The following FAM114A2 variants were observed in gnomAD, a reference collection of about 807,000 sequenced individuals.
FAM114A2 encodes the protein family with sequence similarity 114 member A2.
FAM114A2 carries 53 observed loss-of-function variants against 58.4 expected under a neutral mutation model. That is an observed-to-expected ratio of 0.91 (90% CI 0.73 to 1.14). FAM114A2 has a LOEUF of 1.14. Ranked by LOEUF, FAM114A2 falls within the 50% of genes most tolerant of loss-of-function variation. FAM114A2 has a pLI of 0.00. For missense variants in FAM114A2, 601 were observed against 581.1 expected (o/e 1.03, Z -0.35); for synonymous variants, 228 against 211.4 (o/e 1.08, Z -0.68).
chr5:154,034,444 T>C, intron 2 of FAM114A2, 67 bp from the exon 3 acceptor site: 2 of 943,088 alleles, frequency 2.1e-6, no homozygotes, highest in Non-Finnish European at 3.3e-6. Context: ...AAAATCAGAA[T>C]GTACAGACAA....
intron 8 of FAM114A2, among the ~76,000 whole-genome samples, chr5:154,015,183 C>T (rs1034805739): frequency 6.6e-6 from 1 of 152,130 alleles, no homozygotes; most frequent in African/African-American, 2.4e-5. Flanking sequence ...CTAACCCTGC[C>T]CTTCCCACCC....
chr5:154,029,605 A>C, intron 4 of FAM114A2, 25 bp from the exon 5 acceptor site: 1 of 1,330,048 alleles, frequency 7.5e-7, no homozygotes, highest in Non-Finnish European at 1.1e-6. Flanking sequence ...GGATGTGTAA[A>C]CATGAAGGGA....
At chr5:154,012,080 AAAG>A (rs1561554270) in intron 8 of FAM114A2, among the ~76,000 whole-genome samples, 1 of 152,158 alleles carries the variant, frequency 6.6e-6, no homozygotes, top group Non-Finnish European at 1.5e-5. Flanking sequence ...AGAAGGCGGA[AAAG>A]AAGAGAGGCA....
chr5:154,005,942 C>T (rs916652586), intron 9 of FAM114A2, among the ~76,000 whole-genome samples: 1 of 152,194 alleles, frequency 6.6e-6, no homozygotes, highest in African/African-American at 2.4e-5. Context: ...ACACCCAAGG[C>T]TACCCGAATG....
chr5:154,034,122 C>T (rs1772375793), intron 3 of FAM114A2, among the ~76,000 whole-genome samples, 156 bp downstream of exon 3: 1 of 152,158 alleles, frequency 6.6e-6, no homozygotes. Context: ...ACTCTAGTGG[C>T]AGTATATATC....
At chr5:154,019,380 T>C (rs981069425) in intron 8 of FAM114A2, among the ~76,000 whole-genome samples, 18 of 152,050 alleles carry the variant, frequency 1.2e-4, no homozygotes, top group Non-Finnish European at 2.2e-4. Context: ...AAAGAAATCA[T>C]AGACGATACA....
At chr5:153,998,431 T>C (rs796207181) in intron 11 of FAM114A2, among the ~76,000 whole-genome samples, 7 of 152,302 alleles carry the variant, frequency 4.6e-5, no homozygotes, top group African/African-American at 1.7e-4. Context: ...GGTGCCCTCA[T>C]GAACAGATTA....
At position 154,034,277 on chromosome 5, in the gene FAM114A2, C is replaced by A. The variant is rs1464977039; in HGVS notation, c.310+1G>T. 6.5e-7 allele frequency: 1 copy of A among 1,538,830 alleles called. No homozygotes were observed. Among genetic ancestry groups the A allele is most frequent in the East Asian group, 2.3e-5 (1 of 43,776 alleles). ...AATAACTAAATGACTGATGATCTTACCTACTGTAGCTACTGTAGCCGAGGC... is the reference window on the plus strand; with the variant it reads ...AATAACTAAATGACTGATGATCTTAACTACTGTAGCTACTGTAGCCGAGGC... On this transcript the variant is annotated splice_donor_variant, in intron 3 of 13. Coordinates refer to ENST00000351797, the MANE Select transcript of FAM114A2 (RefSeq NM_018691.4). LOFTEE classifies it high-confidence loss of function.
intron 8 of FAM114A2, among the ~76,000 whole-genome samples, chr5:154,018,880 C>A (rs57861033): frequency 6.6e-6 from 1 of 152,248 alleles, no homozygotes; most frequent in African/African-American, 2.4e-5. Flanking sequence ...AAACTCTCAA[C>A]AAAATCAGCA....
intron 1 of FAM114A2, chr5:154,038,341 G>A (rs1581853236): frequency 6.6e-6 from 1 of 152,236 alleles, no homozygotes; most frequent in African/African-American, 2.4e-5. Context: ...GGGCTCTGGA[G>A]TTTACTTTCT....
chr5:154,033,913 T>G (rs779062930), intron 3 of FAM114A2, 30 bp from the exon 4 acceptor site: 4 of 1,389,316 alleles, frequency 2.9e-6, no homozygotes, highest in Non-Finnish European at 4.1e-6. Flanking sequence ...TTTTTTTTGC[T>G]ATTTGTCACC....
chr5:154,034,848 C>T lies in FAM114A2; in HGVS notation c.106G>A (p.Gly36Ser), dbSNP rs1772442261. ...PAKNSESVDQ[G>S]AKPESKSEPV... is the part of the protein sequence containing the mutation. ...TCTGATTTACTCTCTGGTTTGGCAC[C>T]TTGGTCAACAGACTCAGAATTCTTG... The change falls in exon 2 of 14, where the codon GGT (glycine) becomes AGT (serine). Residue 36 changes from glycine to serine, a missense_variant. Transcript: ENST00000351797. The T allele has an allele frequency of 6.2e-7, 1 of 1,613,876 alleles. No homozygotes were observed. Among genetic ancestry groups the T allele is most frequent in the Admixed American group, 1.7e-5 (1 of 60,002 alleles).
intron 8 of FAM114A2, among the ~76,000 whole-genome samples, chr5:154,012,925 A>T (rs997815674): frequency 1.3e-5 from 2 of 152,038 alleles, no homozygotes; most frequent in African/African-American, 4.8e-5. Context: ...GATTTATCTC[A>T]TTCTATTAAA....
At chr5:154,035,359 C>G (rs796254552) in intron 1 of FAM114A2, among the ~76,000 whole-genome samples, 22 of 152,236 alleles carry the variant, frequency 1.4e-4, no homozygotes, top group African/African-American at 5.3e-4. Flanking sequence ...CCTTCCAACC[C>G]AAAGCAATTA....
At chr5:154,026,928 C>G (rs1032271175) in intron 7 of FAM114A2, among the ~76,000 whole-genome samples, 6 of 151,148 alleles carry the variant, frequency 4.0e-5, no homozygotes, top group Admixed American at 3.3e-4. Flanking sequence ...AACACATGTC[C>G]TATTAAGACC....
Position 154,028,151 on chromosome 5 carries a change from G to C in FAM114A2, c.628C>G (p.Gln210Glu), listed in dbSNP as rs749504863. 2.5e-6 allele frequency: 4 copies of C among 1,609,624 alleles called. No homozygotes were observed. In the African/African-American group the frequency reaches 5.4e-5, roughly 22 times the overall value. The change falls in exon 6 of 14, where the codon CAG becomes GAG. Residue 210 changes from glutamine to glutamate, a missense_variant and splice_region_variant. Physicochemically the swap from Gln to Glu is conservative, Grantham distance 29. Transcript: ENST00000351797. ...GLMNRNATLSQVLREAKEKEE... is the reference protein window; with the variant it reads ...GLMNRNATLSEVLREAKEKEE... Reference sequence around the variant, plus strand: ...AAACAGGTAAGGATAATCAGTACCTGAGATAGTGTAGCATTTCGGTTCATC... The same window carrying C: ...AAACAGGTAAGGATAATCAGTACCTCAGATAGTGTAGCATTTCGGTTCATC...
intron 1 of FAM114A2, among the ~76,000 whole-genome samples, chr5:154,035,722 T>C (rs1561581152): frequency 6.6e-6 from 1 of 152,202 alleles, no homozygotes; most frequent in Non-Finnish European, 1.5e-5. Flanking sequence ...AACTGCTGGG[T>C]CATATGGTTA....
In FAM114A2 at chr5:153,994,950, A is replaced by C. The variant is rs1222507770; in HGVS notation, c.1352T>G (p.Leu451Arg). Residue 451 changes from leucine (L) to arginine (R), a missense_variant, in exon 13 of 14, where the codon CTT becomes CGT. Transcript: ENST00000351797. ...TAGVKEMADV[L>R]NPLITAVFLE... is the part of the protein sequence containing the mutation. ...AAATACTGCAGTGATTAATGGGTTAAGGACATCTGCCATTTCTTTGACCTG... is the reference window on the plus strand; with the variant it reads ...AAATACTGCAGTGATTAATGGGTTACGGACATCTGCCATTTCTTTGACCTG... 1 of 1,609,878 alleles carries C rather than the reference A, an allele frequency of 6.2e-7. No individual in the cohort carries two copies. The highest frequency in any genetic ancestry group is 2.2e-5 in the East Asian group (1 of 44,744).
rs1769214970 is a variant in FAM114A2 at position 153,990,609 on chromosome 5, C to T, written c.*2367G>A. On this transcript the variant is annotated 3_prime_UTR_variant, in exon 14 of 14. Transcript: ENST00000351797. ...AATAAAAATTGTTTCATAGAGGTTT[C>T]TACTTCTTTCAGATCAAATTAATAA... 2 of 151,930 alleles carry T rather than the reference C, an allele frequency of 1.3e-5. No homozygotes were observed. The highest frequency in any genetic ancestry group is 1.3e-4 in the Admixed American group (2 of 15,250). 9.4% of individuals were successfully genotyped at this position (151,930 alleles called of 1,614,324 possible).
Sources: gnomAD v4.1 joint callset for allele counts (sites outside exome capture counted in the v4.1 genomes callset) on GRCh38, gnomAD v4.1.1 for gene constraint, MANE v1.5 for transcripts, NCBI Gene and HGNC (gene_info 2026-07-23, HGNC 2026-07-21) for gene names.